Variants in CARS1 observed in about 807,000 individuals in gnomAD.
CARS1 encodes cysteine--tRNA ligase, cytoplasmic.
Under a neutral mutation model 106.2 loss-of-function variants are expected in CARS1, and 48 were observed. The observed-to-expected ratio is 0.45, with a 90% confidence interval of 0.36 to 0.57. The LOEUF (loss-of-function observed/expected upper bound fraction) is 0.57, where lower values mean the gene tolerates loss of function less well. CARS1 is among the 20% of genes least tolerant of loss of function. CARS1 has a pLI of 0.00. For missense variants in CARS1, 968 were observed against 1,057.2 expected, an observed-to-expected ratio of 0.92 and a Z score of 1.17; for synonymous variants, 409 against 403.4, an observed-to-expected ratio of 1.01 and a Z score of -0.17.
At chr11:3,018,005 G>C (rs367677672) in intron 14 of CARS1, 51 bp from the exon 15 acceptor site, 267 of 1,205,316 alleles carry the variant, frequency 2.2e-4, no homozygotes, top group Non-Finnish European at 3.2e-4. Context: ...TTTCCATCCT[G>C]AAATATCTGT....
Position 3,042,150 on chromosome 11 carries a change from CTG to C in CARS1, c.366+13_366+14del. 6.2e-7 allele frequency: 1 copy of C among 1,606,136 alleles called. No individual in the cohort carries two copies. The highest frequency in any genetic ancestry group is 8.5e-7 in the Non-Finnish European group (1 of 1,173,082). ...CCATTGTGTGCGTGTGCCACGGCAT[CTG>C]TGTTCTCCTTACCTTGTTCCTGGTG... On this transcript the variant is annotated intron_variant, in intron 3 of 22. Transcript: ENST00000380525.
rs1853961964 is a variant in CARS1 at position 3,038,345 on chromosome 11, A to G, written c.652-146T>C. On this transcript the variant is annotated intron_variant, in intron 6 of 22. Transcript: ENST00000380525. The surrounding 1 kb of genome is among the most constrained non-coding windows in gnomAD (Gnocchi z 4.0). ...TGTGCAACCCAAGTGGCCAGGCAGT[A>G]AGGAACTAAGAGAGACTGAAGCTCC... 7 of 733,020 alleles carry G rather than the reference A, an allele frequency of 9.5e-6. No individual in the cohort carries two copies. The highest frequency in any genetic ancestry group is 5.1e-5 in the South Asian group (3 of 58,414). The allele number at this position is 733,020 out of a possible 1,614,324, so 45.4% of individuals were successfully genotyped here.
In CARS1 at chr11:3,045,311, C is replaced by T. The variant is rs561916930; in HGVS notation, c.274+2442G>A. On this transcript the variant is annotated intron_variant, in intron 2 of 22. Coordinates refer to ENST00000380525, the MANE Select transcript of CARS1 (RefSeq NM_001014437.3). This position sits in a 1 kb window ranked among gnomAD's most constrained non-coding sequence, Gnocchi z 5.6. ...ACGGAGTCTCGCTCTGTCACCTAGG[C>T]TGGAGTACAGTGGCACGATCTCGGC... Among the ~76,000 whole-genome samples, 5 of 152,252 alleles carry T rather than the reference C, an allele frequency of 3.3e-5. No individual in the cohort carries two copies. The East Asian group carries it at 9.7e-4, about 29-fold the overall frequency.
intron 19 of CARS1, among the ~76,000 whole-genome samples, chr11:3,006,097 C>G (rs530572523): frequency 2.4e-4 from 36 of 152,278 alleles, no homozygotes; most frequent in Admixed American, 1.0e-3. Flanking sequence ...GATCATAGTA[C>G]CTCATACGCA....
chr11:3,018,364 G>A (rs1342090338), intron 14 of CARS1, 44 bp downstream of exon 14: 3 of 1,302,392 alleles, frequency 2.3e-6, no homozygotes, highest in African/African-American at 1.5e-5. Context: ...CACTGTGCAG[G>A]GGAGGCTGCT....
intron 18 of CARS1, among the ~76,000 whole-genome samples, chr11:3,011,245 G>A (rs1196604074): frequency 3.3e-5 from 5 of 152,238 alleles, no homozygotes; most frequent in Non-Finnish European, 7.3e-5. Context: ...AAAACTGGCA[G>A]TCAAAACGAA....
Position 3,046,089 on chromosome 11 carries a change from C to A in CARS1, c.274+1664G>T, listed in dbSNP as rs191759347. ...GCCTGGGTGATGAGGGGATTTGGAA[C>A]CTGGGGAGGGCACAGCAACTCCATT... On this transcript the variant is annotated intron_variant, in intron 2 of 22. Transcript: ENST00000380525. This position sits in a 1 kb window ranked among gnomAD's most constrained non-coding sequence, Gnocchi z 5.8. 6.6e-6 allele frequency among the ~76,000 whole-genome samples: 1 copy of A among 152,198 alleles called. No homozygotes were observed. The highest frequency in any genetic ancestry group is 1.5e-5 in the Non-Finnish European group (1 of 68,028).
Position 3,003,258 on chromosome 11 carries a change from A to G in CARS1, c.2218-658T>C, listed in dbSNP as rs1849559950. Among the ~76,000 whole-genome samples the G allele has an allele frequency of 6.6e-6, 1 of 152,224 alleles. No homozygotes were observed. The highest frequency in any genetic ancestry group is 6.5e-5 in the Admixed American group (1 of 15,278). On this transcript the variant is annotated intron_variant, in intron 20 of 22. Coordinates refer to ENST00000380525, the MANE Select transcript of CARS1 (RefSeq NM_001014437.3). The surrounding 1 kb of genome is among the most constrained non-coding windows in gnomAD (Gnocchi z 4.8). ...AACAGACATGCCCTCCACTGACGGAAAAGGAGCAAGTTTGGGGAGTTGAAA... is the reference window on the plus strand; with the variant it reads ...AACAGACATGCCCTCCACTGACGGAGAAGGAGCAAGTTTGGGGAGTTGAAA...
chr11:3,038,303 C>T lies in CARS1; in HGVS notation c.652-104G>A. ...AAACAGAACGGTTTTTCCCATGGCC[C>T]CATAGAGATAGAGAAGTGTGCAACC... On this transcript the variant is annotated intron_variant, in intron 6 of 22. Transcript: ENST00000380525. This position sits in a 1 kb window ranked among gnomAD's most constrained non-coding sequence, Gnocchi z 4.0. 9.2e-7 allele frequency: 1 copy of T among 1,087,002 alleles called. No individual in the cohort carries two copies. Among genetic ancestry groups the T allele is most frequent in the Non-Finnish European group, 1.4e-6 (1 of 733,128 alleles). The allele number at this position is 1,087,002 out of a possible 1,614,324, so 67.3% of individuals were successfully genotyped here. A position where few individuals can be genotyped will look rare whatever the true frequency, so the allele number is the denominator to read the frequency against.
rs1399404067 is a variant in CARS1, at chr11:3,029,015, T to C, written c.1012A>G (p.Ile338Val). 1 of 1,613,334 alleles carries C rather than the reference T, an allele frequency of 6.2e-7. No individual in the cohort carries two copies. The highest frequency in any genetic ancestry group is 1.7e-5 in the Admixed American group (1 of 59,994). ...GCTTACCCGTAACCGTTGTCCACAA[T>C]CTTCTGGACAAAGTTCACAATTTCT... Reference protein sequence around the residue: ...VPEIVNFVQKIVDNGYGYVSN... With the variant: ...VPEIVNFVQKVVDNGYGYVSN... The change falls in exon 9 of 23, where the codon ATT becomes GTT. Residue 338 changes from isoleucine to valine, a missense_variant. Transcript: ENST00000380525. This position sits in a 1 kb window ranked among gnomAD's most constrained non-coding sequence, Gnocchi z 5.9.
At position 3,009,685 on chromosome 11, in the gene CARS1, T is replaced by C. The variant is rs112364324; in HGVS notation, c.2068+2510A>G. On this transcript the variant is annotated intron_variant, in intron 18 of 22. Transcript: ENST00000380525. ...CTCTCCTGGTCAAACCCTGAACCCA[T>C]TGCCCTCCTTGCCAGGCCTGTGCTC... Among the ~76,000 whole-genome samples, 1,072 of 152,332 alleles carry C rather than the reference T, an allele frequency of 7.0e-3. 13 individuals carry two copies. The highest frequency in any genetic ancestry group is 0.023 in the African/African-American group (975 of 41,582).
At chr11:3,042,134 G>T in intron 3 of CARS1, 31 bp downstream of exon 3, 1 of 1,545,792 alleles carries the variant, frequency 6.5e-7, no homozygotes, top group Non-Finnish European at 8.9e-7. Flanking sequence ...CCCATTGTGT[G>T]CGTGTGCCAC....
intron 1 of CARS1, among the ~76,000 whole-genome samples, chr11:3,049,157 C>T (rs1194374797): frequency 6.6e-6 from 1 of 151,896 alleles, no homozygotes; most frequent in African/African-American, 2.4e-5. Context: ...CTCTACTGCC[C>T]AGGCTGGAGT....
Position 3,018,176 on chromosome 11 carries a change from C to T in CARS1, c.1630-222G>A, listed in dbSNP as rs112030274. The stretch of plus-strand genomic sequence containing the variant: ...TGGTGGAAAGTACAAGTCAGAAGGA[C>T]GTGCACTGCAGTGACTAGGAGGACG... On this transcript the variant is annotated intron_variant, in intron 14 of 22. Transcript: ENST00000380525. 1,368 of 612,098 alleles carry T rather than the reference C, an allele frequency of 2.2e-3. 18 individuals are homozygous for T. The highest frequency in any genetic ancestry group is 0.02 in the African/African-American group (1,104 of 54,172). 37.9% of individuals were successfully genotyped at this position (612,098 alleles called of 1,614,324 possible). A position where few individuals can be genotyped will look rare whatever the true frequency, so the allele number is the denominator to read the frequency against.
In CARS1 at chr11:3,040,609, T is replaced by C. The variant is rs906034124; in HGVS notation, c.455+287A>G. ...TGAGGGATGAGAGAAAACTTTAAGGTATGTGAGAAAAAGTGCCCAGGTCGA... is the reference window on the plus strand; with the variant it reads ...TGAGGGATGAGAGAAAACTTTAAGGCATGTGAGAAAAAGTGCCCAGGTCGA... On this transcript the variant is annotated intron_variant, in intron 4 of 22. Transcript: ENST00000380525. The surrounding 1 kb of genome is among the most constrained non-coding windows in gnomAD (Gnocchi z 5.8). 1.7e-6 allele frequency: 1 copy of C among 597,796 alleles called. No homozygotes were observed. The highest frequency in any genetic ancestry group is 3.1e-6 in the Non-Finnish European group (1 of 319,844). The allele number at this position is 597,796 out of a possible 1,614,324, so 37.0% of individuals were successfully genotyped here.
rs144765079 is a variant in CARS1 at position 3,043,538 on chromosome 11, C to T, written c.275-1282G>A. Among the ~76,000 whole-genome samples, 1 of 151,236 alleles carries T rather than the reference C, an allele frequency of 6.6e-6. No individual in the cohort carries two copies. Among genetic ancestry groups the T allele is most frequent in the Non-Finnish European group, 1.5e-5 (1 of 67,826 alleles). ...TGCTGAGTGGCACCAGGAAGGCCTA[C>T]GAGATGGATACTCCTAGCACTGACC... On this transcript the variant is annotated intron_variant, in intron 2 of 22. Coordinates refer to ENST00000380525, the MANE Select transcript of CARS1 (RefSeq NM_001014437.3). This position sits in a 1 kb window ranked among gnomAD's most constrained non-coding sequence, Gnocchi z 4.0.
chr11:3,038,248 C>T lies in CARS1; in HGVS notation c.652-49G>A, dbSNP rs1243909793. 1.3e-6 allele frequency: 2 copies of T among 1,545,196 alleles called. No individual in the cohort carries two copies. Among genetic ancestry groups the T allele is most frequent in the Non-Finnish European group, 8.9e-7 (1 of 1,121,184 alleles). On this transcript the variant is annotated intron_variant, in intron 6 of 22. Transcript: ENST00000380525. This position sits in a 1 kb window ranked among gnomAD's most constrained non-coding sequence, Gnocchi z 4.0. ...ATCTATTAGATACTGCTCAGCAAAACCTAAATTCATAAAGGTGATTCCAGG... is the reference window on the plus strand; with the variant it reads ...ATCTATTAGATACTGCTCAGCAAAATCTAAATTCATAAAGGTGATTCCAGG...
chr11:3,017,093 G>T lies in CARS1; in HGVS notation c.1917+13C>A. 1 of 1,605,764 alleles carries T rather than the reference G, an allele frequency of 6.2e-7. No individual in the cohort carries two copies. Among genetic ancestry groups the T allele is most frequent in the East Asian group, 2.2e-5 (1 of 44,642 alleles). On this transcript the variant is annotated intron_variant, in intron 16 of 22. Transcript: ENST00000380525. The surrounding 1 kb of genome is among the most constrained non-coding windows in gnomAD (Gnocchi z 4.9). ...ACAGGCTGAGGGATACGCCTGCCTG[G>T]GGCCTGGCTTACCTTCAGCATATGG...
chr11:3,012,306 G>T, intron 17 of CARS1, 30 bp from the exon 18 acceptor site: 1 of 1,588,506 alleles, frequency 6.3e-7, no homozygotes, highest in Non-Finnish European at 8.6e-7. Context: ...GGTTCACTGA[G>T]AGCTGCTCAC....
Sources: gnomAD v4.1 joint callset for allele counts (sites outside exome capture counted in the v4.1 genomes callset) on GRCh38, gnomAD v4.1.1 for gene constraint, Gnocchi (gnomAD v3.1) non-coding constraint, MANE v1.5 for transcripts, NCBI Gene and HGNC (gene_info 2026-07-23, HGNC 2026-07-21) for gene names.